The following NRG3 variants were observed in gnomAD, a reference collection of about 807,000 sequenced individuals.
NRG3 encodes the protein neuregulin 3.
In NRG3, 31 loss-of-function variants were observed where a neutral mutation model predicts 66.9. The ratio of observed to expected loss-of-function variants is 0.46; its 90% CI spans 0.35 to 0.63. NRG3 has a LOEUF of 0.63. NRG3 is among the 20% of genes least tolerant of loss of function. NRG3 has a pLI of 0.00. For synonymous variants in NRG3, 393 were observed against 359.4 expected, an observed-to-expected ratio of 1.09 and a Z score of -1.06; for missense variants, 910 against 878.9, an observed-to-expected ratio of 1.04 and a Z score of -0.45.
chr10:82,550,584 C>G (rs577958534), intron 2 of NRG3, among the ~76,000 whole-genome samples: 2 of 152,238 alleles, frequency 1.3e-5, no homozygotes, highest in African/African-American at 4.8e-5. Flanking sequence ...TTGGGTGACT[C>G]CAAGATTCCT....
Position 81,983,519 on chromosome 10 carries a change from T to A in NRG3, c.823+107356T>A, listed in dbSNP as rs1360096991. Among the ~76,000 whole-genome samples the A allele has an allele frequency of 2.0e-5, 3 of 152,338 alleles. No homozygotes were observed. The East Asian group carries it at 5.8e-4, about 29-fold the overall frequency. On this transcript the variant is annotated intron_variant, in intron 1 of 8. Transcript: ENST00000372141. Reference sequence around the variant, plus strand: ...CAATTTGTCACCTAGATCTTAGCATTAACTTTTAAAGGATGAATGTTGATA... The same window carrying A: ...CAATTTGTCACCTAGATCTTAGCATAAACTTTTAAAGGATGAATGTTGATA...
intron 1 of NRG3, among the ~76,000 whole-genome samples, chr10:82,028,684 G>T (rs2062427427): frequency 6.6e-6 from 1 of 152,028 alleles, no homozygotes; most frequent in Admixed American, 6.6e-5. Context: ...TCACTCTGGG[G>T]TGCTTATTGT....
At chr10:82,625,117 T>C (rs1040136935) in intron 2 of NRG3, among the ~76,000 whole-genome samples, 2 of 151,840 alleles carry the variant, frequency 1.3e-5, no homozygotes, top group African/African-American at 4.8e-5. Context: ...AATCTTGGTC[T>C]CCTCTAATCT....
chr10:82,480,670 C>A (rs377159493), intron 2 of NRG3, among the ~76,000 whole-genome samples: 2 of 152,198 alleles, frequency 1.3e-5, no homozygotes, highest in South Asian at 2.1e-4. Flanking sequence ...CTGGTCCACA[C>A]GTATTCATAC....
At chr10:82,206,025 T>G (rs1481521408) in intron 1 of NRG3, among the ~76,000 whole-genome samples, 1 of 152,184 alleles carries the variant, frequency 6.6e-6, no homozygotes, top group Non-Finnish European at 1.5e-5. Flanking sequence ...ATATAGGCCT[T>G]ACTCAATGAT....
intron 1 of NRG3, among the ~76,000 whole-genome samples, chr10:82,063,898 C>T (rs746041005): frequency 2.6e-5 from 4 of 152,106 alleles, no homozygotes; most frequent in Non-Finnish European, 4.4e-5. Context: ...AACAACATAG[C>T]TGGGAGAACA....
At chr10:82,720,236 A>G (rs1301488818) in intron 2 of NRG3, among the ~76,000 whole-genome samples, 1 of 152,126 alleles carries the variant, frequency 6.6e-6, no homozygotes, top group Non-Finnish European at 1.5e-5. Context: ...CTAAAAATAC[A>G]AAAATTAGTT....
intron 7 of NRG3, among the ~76,000 whole-genome samples, chr10:82,977,288 G>T (rs1852359390): frequency 6.6e-6 from 1 of 152,070 alleles, no homozygotes; most frequent in Non-Finnish European, 1.5e-5. Context: ...CCCTTGTTAG[G>T]CATTTGGGGA....
chr10:82,964,759 C>T (rs1007639544), intron 6 of NRG3, among the ~76,000 whole-genome samples: 1 of 152,172 alleles, frequency 6.6e-6, no homozygotes, highest in Non-Finnish European at 1.5e-5. Flanking sequence ...ATATCCTCCT[C>T]CTGCTTTTAT....
At chr10:82,572,300 T>C (rs1303078322) in intron 2 of NRG3, among the ~76,000 whole-genome samples, 1 of 151,652 alleles carries the variant, frequency 6.6e-6, no homozygotes, top group African/African-American at 2.4e-5. Flanking sequence ...TCTTGGTAAG[T>C]TCTTGGTATT....
chr10:82,332,675 G>T (rs1033122272), intron 1 of NRG3, among the ~76,000 whole-genome samples: 1 of 152,120 alleles, frequency 6.6e-6, no homozygotes, highest in Non-Finnish European at 1.5e-5. Context: ...ATTCCATGTT[G>T]TCTCATCTCT....
chr10:82,628,415 A>G (rs2049574331), intron 2 of NRG3, among the ~76,000 whole-genome samples: 1 of 152,272 alleles, frequency 6.6e-6, no homozygotes, highest in Admixed American at 6.5e-5. Context: ...TATAAACAGG[A>G]TGGAAAAATA....
At chr10:82,355,306 T>G (rs1008775298) in intron 1 of NRG3, among the ~76,000 whole-genome samples, 5 of 152,210 alleles carry the variant, frequency 3.3e-5, no homozygotes, top group Admixed American at 1.3e-4. Context: ...CTCAGCTGGA[T>G]ACATTAGAGC....
At chr10:82,309,474 A>C (rs997926704) in intron 1 of NRG3, among the ~76,000 whole-genome samples, 2 of 152,092 alleles carry the variant, frequency 1.3e-5, no homozygotes, top group Non-Finnish European at 2.9e-5. Flanking sequence ...TACAAAAAAA[A>C]AAAAATAGGT....
chr10:81,878,115 T>A, intron 1 of NRG3: 1 of 1,504,568 alleles, frequency 6.6e-7, no homozygotes, highest in Non-Finnish European at 8.8e-7. Flanking sequence ...TCTACCCCTC[T>A]ATGCTCTCTT....
At chr10:82,264,120 A>G (rs183971684) in intron 1 of NRG3, among the ~76,000 whole-genome samples, 1 of 152,192 alleles carries the variant, frequency 6.6e-6, no homozygotes, top group African/African-American at 2.4e-5. Flanking sequence ...TCAGGGGAGA[A>G]ATAGGGGCTG....
At chr10:82,677,600 A>T (rs945864216) in intron 2 of NRG3, among the ~76,000 whole-genome samples, 2 of 152,000 alleles carry the variant, frequency 1.3e-5, no homozygotes, top group African/African-American at 4.8e-5. Flanking sequence ...AGACTTGAAC[A>T]CTGCTTAGAA....
intron 5 of NRG3, among the ~76,000 whole-genome samples, chr10:82,952,621 T>C (rs562470722): frequency 3.0e-4 from 46 of 151,784 alleles, no homozygotes; most frequent in African/African-American, 1.0e-3. Flanking sequence ...TGGTTTCTCA[T>C]GTCTTAAGAA....
At chr10:82,020,551 A>G (rs2062013554) in intron 1 of NRG3, among the ~76,000 whole-genome samples, 1 of 152,248 alleles carries the variant, frequency 6.6e-6, no homozygotes, top group East Asian at 1.9e-4. Flanking sequence ...AAATTTACGT[A>G]AAATAGTTCT....
Sources: allele counts gnomAD v4.1 joint callset (sites outside exome capture counted in the v4.1 genomes callset), GRCh38; gene constraint gnomAD v4.1.1; transcripts MANE v1.5; gene names NCBI Gene and HGNC (gene_info 2026-07-23, HGNC 2026-07-21).